Variants in QRFPR observed in about 807,000 individuals in gnomAD.
QRFPR encodes pyroglutamylated RF-amide peptide receptor.
In QRFPR, 37 loss-of-function variants were observed where a neutral mutation model predicts 31.3. The ratio of observed to expected loss-of-function variants is 1.18; its 90% confidence interval spans 0.91 to 1.56. The LOEUF is 1.56. Ranked by LOEUF, QRFPR falls within the 40% of genes most tolerant of loss-of-function variation. QRFPR has a pLI of 0.00. For synonymous variants in QRFPR, 197 were observed against 192.0 expected (o/e 1.03, Z -0.22); for missense variants, 542 against 532.5 (o/e 1.02, Z -0.18).
intron 4 of QRFPR, 51 bp downstream of exon 4, chr4:121,332,770 G>T: frequency 7.1e-7 from 1 of 1,404,016 alleles, no homozygotes; most frequent in Non-Finnish European, 9.9e-7. Context: ...ATCCCTTCCA[G>T]CACAATTAAT....
At chr4:121,341,635 A>G (rs923129922) in intron 1 of QRFPR, among the ~76,000 whole-genome samples, 14 of 152,202 alleles carry the variant, frequency 9.2e-5, no homozygotes, top group African/African-American at 3.4e-4. Context: ...ATCATTTAAT[A>G]TATTGTATAT....
chr4:121,343,307 C>T (rs1258045048), intron 1 of QRFPR, among the ~76,000 whole-genome samples: 1 of 152,186 alleles, frequency 6.6e-6, no homozygotes, highest in South Asian at 2.1e-4. Context: ...TCCCTTATCA[C>T]CTATCCTATC....
Position 121,369,363 on chromosome 4 carries a change from A to G in QRFPR, c.340+10945T>C. ...TTTAAATATACCTTTCCTATGTCAA[A>G]GCCAAGATAAAAGGGCAGTGGAGTG... On this transcript the variant is annotated intron_variant, in intron 1 of 5. Transcript: ENST00000394427. 1.4e-5 allele frequency: 9 copies of G among 657,494 alleles called. No individual in the cohort carries two copies. In the South Asian group the frequency reaches 1.8e-4, roughly 13 times the overall value. 40.7% of individuals were successfully genotyped at this position (657,494 alleles called of 1,614,324 possible). A position where few individuals can be genotyped will look rare whatever the true frequency, so the allele number is the denominator to read the frequency against.
chr4:121,379,452 C>A (rs1726425330), intron 1 of QRFPR, among the ~76,000 whole-genome samples: 1 of 152,216 alleles, frequency 6.6e-6, no homozygotes, highest in Non-Finnish European at 1.5e-5. Context: ...GCCCATGGTG[C>A]ACCTTAAGCA....
chr4:121,367,721 C>T (rs1726154984), intron 1 of QRFPR, among the ~76,000 whole-genome samples: 1 of 150,140 alleles, frequency 6.7e-6, no homozygotes, highest in African/African-American at 2.5e-5. Context: ...TTTGGATACC[C>T]TCTAGGTGCC....
chr4:121,362,499 A>G (rs1726013297), intron 1 of QRFPR, among the ~76,000 whole-genome samples: 1 of 149,990 alleles, frequency 6.7e-6, no homozygotes, highest in Non-Finnish European at 1.5e-5. Flanking sequence ...TGGAGAGGCA[A>G]AAGACCAGGA....
chr4:121,379,558 CT>C (rs1442331790), intron 1 of QRFPR, among the ~76,000 whole-genome samples: 1 of 152,124 alleles, frequency 6.6e-6, no homozygotes, highest in African/African-American at 2.4e-5. Context: ...AGAAATATAT[CT>C]TTTTTTCCAA....
chr4:121,337,010 T>C, intron 2 of QRFPR, 142 bp from the exon 3 acceptor site: 1 of 748,612 alleles, frequency 1.3e-6, no homozygotes, highest in Admixed American at 2.1e-5. Flanking sequence ...CCAAGTTTCA[T>C]GCTTCCACTC....
At chr4:121,356,603 G>A (rs1042393790) in intron 1 of QRFPR, among the ~76,000 whole-genome samples, 2 of 152,100 alleles carry the variant, frequency 1.3e-5, no homozygotes, top group Non-Finnish European at 2.9e-5. Flanking sequence ...CTAAGCCTGT[G>A]GTCACTGCAG....
At position 121,365,002 on chromosome 4, in the gene QRFPR, G is replaced by A. The variant is rs546957713; in HGVS notation, c.340+15306C>T. ...CTGAGCTCCATACAGCTGTTTTTTG[G>A]GGTTCCATTTAAGTCTCCATGAGAC... is the stretch of plus-strand genomic sequence containing the variant. On this transcript the variant is annotated intron_variant, in intron 1 of 5. Coordinates refer to ENST00000394427, the MANE Select transcript of QRFPR (RefSeq NM_198179.3). Among the ~76,000 whole-genome samples, 48 of 149,590 alleles carry A rather than the reference G, an allele frequency of 3.2e-4. 3 individuals carry two copies. The highest frequency in any genetic ancestry group is 1.1e-3 in the African/African-American group (45 of 40,448).
rs902274873 is a variant in QRFPR at position 121,370,015 on chromosome 4, G to A, written c.340+10293C>T. The stretch of plus-strand genomic sequence containing the variant: ...CTGAAAGCTTTCCTGGGTCTGTTTT[G>A]TGATCACATAATTCATGACGACATG... On this transcript the variant is annotated intron_variant, in intron 1 of 5. Coordinates refer to ENST00000394427, the MANE Select transcript of QRFPR (RefSeq NM_198179.3). 3 of 770,568 alleles carry A rather than the reference G, an allele frequency of 3.9e-6. No individual in the cohort carries two copies. The South Asian group carries it at 4.1e-5, about 10-fold the overall frequency. The allele number at this position is 770,568 out of a possible 1,614,324, so 47.7% of individuals were successfully genotyped here. A position where few individuals can be genotyped will look rare whatever the true frequency, so the allele number is the denominator to read the frequency against.
At chr4:121,371,878 G>A (rs1726254182) in intron 1 of QRFPR, among the ~76,000 whole-genome samples, 1 of 152,158 alleles carries the variant, frequency 6.6e-6, no homozygotes, top group African/African-American at 2.4e-5. Context: ...TTAGTAAGGA[G>A]ACAATGAGCA....
chr4:121,349,927 T>C (rs1725732202), intron 1 of QRFPR, among the ~76,000 whole-genome samples: 1 of 152,058 alleles, frequency 6.6e-6, no homozygotes. Context: ...AATAGAAAAA[T>C]GCAGGTAAAA....
intron 1 of QRFPR, among the ~76,000 whole-genome samples, chr4:121,363,240 C>T (rs909515312): frequency 4.7e-5 from 7 of 150,026 alleles, no homozygotes; most frequent in African/African-American, 7.4e-5. Context: ...GCAGGAGAAT[C>T]ACTTGAACCT....
At chr4:121,329,876 A>T (rs144289921) in intron 5 of QRFPR, among the ~76,000 whole-genome samples, 162 bp from the exon 6 acceptor site, 1 of 152,328 alleles carries the variant, frequency 6.6e-6, no homozygotes, top group East Asian at 1.9e-4. Context: ...GAATAAAAAC[A>T]ACCTTTGTGA....
At chr4:121,366,171 G>C (rs1726131887) in intron 1 of QRFPR, among the ~76,000 whole-genome samples, 1 of 149,828 alleles carries the variant, frequency 6.7e-6, no homozygotes, top group Non-Finnish European at 1.5e-5. Context: ...AGTATAACCA[G>C]TGTGGTTAAA....
intron 1 of QRFPR, among the ~76,000 whole-genome samples, chr4:121,379,944 G>A (rs1726438941): frequency 6.6e-6 from 1 of 151,976 alleles, no homozygotes; most frequent in African/African-American, 2.4e-5. Context: ...ACGGGAAAGG[G>A]AGCTGAAATA....
rs1203854419 is a variant in QRFPR, at chr4:121,380,836, A to G, written c.-189T>C. 1 of 564,486 alleles carries G rather than the reference A, an allele frequency of 1.8e-6. No individual in the cohort carries two copies. The highest frequency in any genetic ancestry group is 3.0e-5 in the East Asian group (1 of 33,492). 35.0% of individuals were successfully genotyped at this position (564,486 alleles called of 1,614,324 possible). On this transcript the variant is annotated 5_prime_UTR_variant, in exon 1 of 6. Transcript: ENST00000394427. ...GAAAGGAGAGCAGCTCAGGGATCAA[A>G]CCCACGATAAAGAGGCGGGAAGCCA...
intron 1 of QRFPR, among the ~76,000 whole-genome samples, chr4:121,356,055 T>C (rs1000698859): frequency 1.3e-5 from 2 of 152,156 alleles, no homozygotes; most frequent in Admixed American, 1.3e-4. Context: ...AAATGTTCTG[T>C]AAATATATAT....
Sources: allele counts gnomAD v4.1 joint callset (sites outside exome capture counted in the v4.1 genomes callset), GRCh38; gene constraint gnomAD v4.1.1; transcripts MANE v1.5; gene names NCBI Gene and HGNC (gene_info 2026-07-23, HGNC 2026-07-21).